The following PCCA variants were observed in gnomAD, a reference collection of about 807,000 sequenced individuals.
The protein encoded by PCCA is propionyl-CoA carboxylase alpha chain, mitochondrial.
In PCCA, 74 loss-of-function variants were observed where a neutral mutation model predicts 101.3. The observed-to-expected ratio is 0.73, with a 90% CI of 0.61 to 0.89. The LOEUF is 0.89. PCCA is among the 40% of genes least tolerant of loss of function. PCCA has a pLI of 0.00. For synonymous variants in PCCA, 294 were observed against 313.6 expected (o/e 0.94, Z 0.66); for missense variants, 891 against 907.0 (o/e 0.98, Z 0.23).
chr13:100,366,645 A>G (rs937075618), intron 18 of PCCA, among the ~76,000 whole-genome samples: 1 of 149,764 alleles, frequency 6.7e-6, no homozygotes, highest in Non-Finnish European at 1.5e-5. Context: ...TCCCCTCCCC[A>G]CTGTGTGTTG....
At chr13:100,377,138 A>C (rs1370358936) in intron 19 of PCCA, among the ~76,000 whole-genome samples, 1 of 151,874 alleles carries the variant, frequency 6.6e-6, no homozygotes, top group Non-Finnish European at 1.5e-5. Context: ...TGTGGGCTGC[A>C]CCCACTGTCT....
intron 12 of PCCA, among the ~76,000 whole-genome samples, chr13:100,295,658 C>T (rs999398453): frequency 1.3e-5 from 2 of 152,180 alleles, no homozygotes; most frequent in Non-Finnish European, 2.9e-5. Context: ...AAGTGCCACA[C>T]TGATGTTGGT....
At chr13:100,211,890 G>A (rs573993627) in intron 7 of PCCA, among the ~76,000 whole-genome samples, 2 of 152,042 alleles carry the variant, frequency 1.3e-5, no homozygotes, top group Non-Finnish European at 2.9e-5. Context: ...ATAGGTGTGT[G>A]CCACCACAGC....
At position 100,150,778 on chromosome 13, in the gene PCCA, A is replaced by G. The variant is rs1219701780; in HGVS notation, c.301-4201A>G. On this transcript the variant is annotated intron_variant, in intron 4 of 23. Transcript: ENST00000376285. ...CTCTCAAAGCCCCACAGTGGCGTCC[A>G]GCTTGCTCCTCTGCAACGGACTGAA... is the stretch of plus-strand genomic sequence containing the variant. 5.0e-6 allele frequency: 8 copies of G among 1,587,448 alleles called. No homozygotes were observed. In the African/African-American group the frequency reaches 5.4e-5, roughly 11 times the overall value.
In PCCA at chr13:100,488,085, TTTTA is replaced by T. The variant is rs1014686207; in HGVS notation, c.1900-27322_1900-27319del. On this transcript the variant is annotated intron_variant, in intron 21 of 23. Coordinates refer to ENST00000376285, the MANE Select transcript of PCCA (RefSeq NM_000282.4). ...GCCACAAGCATTCTGCCTCTGTGCTTTTTATTTATTTATTTATTTATTTTTGAGA... is the reference window on the plus strand; with the variant it reads ...GCCACAAGCATTCTGCCTCTGTGCTTTTTATTTATTTATTTATTTTTGAGA... Among the ~76,000 whole-genome samples, 12 of 151,898 alleles carry T rather than the reference TTTTA, an allele frequency of 7.9e-5. No individual in the cohort carries two copies. In the East Asian group the frequency reaches 2.3e-3, roughly 29 times the overall value.
chr13:100,522,199 C>T (rs534049552), intron 22 of PCCA, among the ~76,000 whole-genome samples: 12 of 152,218 alleles, frequency 7.9e-5, no homozygotes, highest in African/African-American at 2.6e-4. Context: ...TGCAGCGGGC[C>T]CAATTTTAGG....
chr13:100,106,221 T>C (rs144198051), intron 2 of PCCA, among the ~76,000 whole-genome samples: 52 of 152,290 alleles, frequency 3.4e-4, no homozygotes, highest in African/African-American at 1.2e-3. Flanking sequence ...ACTGAACTTA[T>C]CAAGCAGGTT....
intron 6 of PCCA, chr13:100,160,546 A>T (rs574296318): frequency 6.6e-6 from 1 of 152,270 alleles, no homozygotes; most frequent in South Asian, 2.1e-4. Flanking sequence ...GTTATTGCTT[A>T]GATAGTTCAT....
intron 21 of PCCA, among the ~76,000 whole-genome samples, chr13:100,464,920 A>G (rs939143394): frequency 6.6e-6 from 1 of 152,154 alleles, no homozygotes; most frequent in African/African-American, 2.4e-5. Context: ...TACTGGCCTC[A>G]CTTTTAAAGG....
intron 21 of PCCA, among the ~76,000 whole-genome samples, chr13:100,482,488 C>G (rs1415879197): frequency 6.6e-6 from 1 of 152,176 alleles, no homozygotes; most frequent in African/African-American, 2.4e-5. Flanking sequence ...GAGAGGGAAC[C>G]AAGGATGGGT....
chr13:100,319,658 T>G (rs2067785911), intron 16 of PCCA, among the ~76,000 whole-genome samples: 1 of 152,196 alleles, frequency 6.6e-6, no homozygotes, highest in Admixed American at 6.5e-5. Flanking sequence ...ATGTGTGGTG[T>G]TATTTCTGAG....
chr13:100,402,132 A>G (rs1281053371), intron 19 of PCCA, among the ~76,000 whole-genome samples: 2 of 152,224 alleles, frequency 1.3e-5, no homozygotes, highest in Non-Finnish European at 2.9e-5. Context: ...TTGTAAGCAT[A>G]TATGGATTTT....
intron 21 of PCCA, among the ~76,000 whole-genome samples, chr13:100,456,113 CATT>C (rs561039589): frequency 2.0e-4 from 30 of 152,188 alleles, no homozygotes; most frequent in African/African-American, 4.1e-4. Flanking sequence ...ATAGTGCCCT[CATT>C]GTTGTTTCAA....
intron 21 of PCCA, among the ~76,000 whole-genome samples, chr13:100,453,921 G>A (rs546309657): frequency 6.6e-6 from 1 of 152,228 alleles, no homozygotes; most frequent in Non-Finnish European, 1.5e-5. Flanking sequence ...CTGGAGTGCA[G>A]TGGCGCGATC....
At chr13:100,180,252 A>G (rs1419948077) in intron 6 of PCCA, among the ~76,000 whole-genome samples, 1 of 152,248 alleles carries the variant, frequency 6.6e-6, no homozygotes, top group African/African-American at 2.4e-5. Flanking sequence ...AAGAAGAAAC[A>G]GTGCCCTAGA....
At chr13:100,349,867 A>C (rs540162451) in intron 18 of PCCA, among the ~76,000 whole-genome samples, 1 of 152,258 alleles carries the variant, frequency 6.6e-6, no homozygotes, top group Admixed American at 6.5e-5. Flanking sequence ...GGTTCTTTGT[A>C]TGTGCAGTCA....
chr13:100,509,616 G>C (rs1387711795), intron 21 of PCCA, among the ~76,000 whole-genome samples: 1 of 152,080 alleles, frequency 6.6e-6, no homozygotes, highest in Non-Finnish European at 1.5e-5. Flanking sequence ...TTTATTTTTT[G>C]CTAGTTTTAG....
intron 6 of PCCA, among the ~76,000 whole-genome samples, chr13:100,170,159 A>G (rs2055493752): frequency 6.6e-6 from 1 of 152,224 alleles, no homozygotes; most frequent in Non-Finnish European, 1.5e-5. Flanking sequence ...TCATTGTGTT[A>G]TGCTATTTTA....
intron 13 of PCCA, 137 bp downstream of exon 13, chr13:100,301,740 GA>G: frequency 1.9e-6 from 2 of 1,029,146 alleles, no homozygotes; most frequent in Admixed American, 1.8e-5. Context: ...AATTAAATCA[GA>G]AAAAAATTAG....
Sources: gnomAD v4.1 joint callset for allele counts (sites outside exome capture counted in the v4.1 genomes callset) on GRCh38, gnomAD v4.1.1 for gene constraint, MANE v1.5 for transcripts, NCBI Gene and HGNC (gene_info 2026-07-23, HGNC 2026-07-21) for gene names.